PLS1: variants seen among roughly 807,000 people sequenced by gnomAD.
PLS1 encodes plastin 1, also known as plastin-1.
PLS1 carries 32 observed loss-of-function variants against 73.7 expected under a neutral mutation model. The observed-to-expected ratio is 0.43, with a 90% CI of 0.33 to 0.58. The LOEUF (loss-of-function observed/expected upper bound fraction) is 0.58, where lower values mean the gene tolerates loss of function less well. Among genes scored for constraint, PLS1 ranks in the 20% least tolerant of loss-of-function variants. The pLI is 0.04. For synonymous variants in PLS1, 217 were observed against 261.3 expected, an observed-to-expected ratio of 0.83 and a Z score of 1.63; for missense variants, 633 against 740.5, an observed-to-expected ratio of 0.85 and a Z score of 1.68.
At chr3:142,603,331 G>GT (rs1408081234) in intron 1 of PLS1, among the ~76,000 whole-genome samples, 4 of 152,248 alleles carry the variant, frequency 2.6e-5, no homozygotes, top group East Asian at 1.9e-4. Flanking sequence ...GATTGGGAGA[G>GT]TTTTTTCTTA....
chr3:142,659,537 A>C (rs1425313235), intron 1 of PLS1, among the ~76,000 whole-genome samples: 2 of 151,962 alleles, frequency 1.3e-5, no homozygotes, highest in Non-Finnish European at 2.9e-5. Flanking sequence ...CTTTTCAGTT[A>C]TTTGTTTGTT....
At position 142,712,042 on chromosome 3, in the gene PLS1, T is replaced by G; in HGVS notation, c.*35T>G. 3 of 1,583,602 alleles carry G rather than the reference T, an allele frequency of 1.9e-6. No homozygotes were observed. The highest frequency in any genetic ancestry group is 1.7e-6 in the Non-Finnish European group (2 of 1,152,930). On this transcript the variant is annotated 3_prime_UTR_variant, in exon 16 of 16. Coordinates refer to ENST00000457734, the MANE Select transcript of PLS1 (RefSeq NM_001145319.2). ...ATGATTTTCTGCCACATTAAACATA[T>G]TGTATGCCTCACAGTTTACAGGATT...
chr3:142,607,785 C>G (rs1211892112), intron 1 of PLS1, among the ~76,000 whole-genome samples: 1 of 152,010 alleles, frequency 6.6e-6, no homozygotes, highest in Non-Finnish European at 1.5e-5. Flanking sequence ...GTGACAGTTT[C>G]TCAGACTTTC....
At chr3:142,686,788 T>C (rs1325595601) in intron 9 of PLS1, among the ~76,000 whole-genome samples, 2 of 152,218 alleles carry the variant, frequency 1.3e-5, no homozygotes, top group Non-Finnish European at 2.9e-5. Context: ...GCCAACTGGC[T>C]ATCATGACGG....
intron 1 of PLS1, among the ~76,000 whole-genome samples, chr3:142,629,272 C>T (rs1272062779): frequency 1.3e-5 from 2 of 151,464 alleles, no homozygotes; most frequent in African/African-American, 2.4e-5. Context: ...TCTTGGCTTA[C>T]TGCAACTTCT....
chr3:142,705,611 G>GT (rs1454429366), intron 14 of PLS1, among the ~76,000 whole-genome samples: 2 of 152,066 alleles, frequency 1.3e-5, no homozygotes, highest in African/African-American at 2.4e-5. Flanking sequence ...TAAATTTGTG[G>GT]TTTTTTTACT....
intron 10 of PLS1, among the ~76,000 whole-genome samples, chr3:142,692,372 A>G (rs944322262): frequency 2.6e-5 from 4 of 151,962 alleles, no homozygotes. Flanking sequence ...ATCTAGGGGG[A>G]AAAAAAGGTT....
At chr3:142,645,041 G>C (rs1298348747) in intron 1 of PLS1, among the ~76,000 whole-genome samples, 1 of 152,162 alleles carries the variant, frequency 6.6e-6, no homozygotes, top group African/African-American at 2.4e-5. Flanking sequence ...CCGTTTGATA[G>C]AATCATTCAG....
intron 5 of PLS1, among the ~76,000 whole-genome samples, 154 bp downstream of exon 5, chr3:142,676,443 ATATC>A (rs2107862201): frequency 6.6e-6 from 1 of 152,334 alleles, no homozygotes; most frequent in South Asian, 2.1e-4. Context: ...GAACTACTGT[ATATC>A]TATTGGAAAA....
At chr3:142,645,082 A>G (rs1396209862) in intron 1 of PLS1, among the ~76,000 whole-genome samples, 1 of 152,240 alleles carries the variant, frequency 6.6e-6, no homozygotes, top group African/African-American at 2.4e-5. Context: ...AAATAATTAT[A>G]AAACATAGAT....
At chr3:142,680,565 T>C (rs2037827950) in intron 6 of PLS1, among the ~76,000 whole-genome samples, 1 of 152,224 alleles carries the variant, frequency 6.6e-6, no homozygotes, top group Admixed American at 6.5e-5. Context: ...AGTTTTATCA[T>C]TTCACAAAAT....
chr3:142,622,869 T>C (rs1313612710), intron 1 of PLS1, among the ~76,000 whole-genome samples: 1 of 152,238 alleles, frequency 6.6e-6, no homozygotes, highest in Non-Finnish European at 1.5e-5. Context: ...TGTTTGTTTG[T>C]TTTTGGTTTT....
chr3:142,699,256 G>A (rs899014505), intron 12 of PLS1, among the ~76,000 whole-genome samples: 20 of 152,218 alleles, frequency 1.3e-4, no homozygotes, highest in South Asian at 2.1e-4. Context: ...TCAGGAATTC[G>A]AGGCCAGGCT....
intron 1 of PLS1, among the ~76,000 whole-genome samples, chr3:142,620,301 A>G (rs918700520): frequency 6.6e-6 from 1 of 151,906 alleles, no homozygotes; most frequent in South Asian, 2.1e-4. Context: ...ATTTTTTTGT[A>G]TTTGTAGTAC....
chr3:142,630,105 C>A (rs73228787), intron 1 of PLS1, among the ~76,000 whole-genome samples: 5,950 of 152,114 alleles, frequency 0.039, 159 homozygotes, highest in Middle Eastern at 0.078. Flanking sequence ...GGTTTCCCCC[C>A]ACCTACAGAA....
chr3:142,665,527 A>G (rs1048387311), intron 2 of PLS1, among the ~76,000 whole-genome samples: 12 of 152,164 alleles, frequency 7.9e-5, no homozygotes, highest in African/African-American at 2.9e-4. Flanking sequence ...TCAAAACAAA[A>G]ACTGGGCAAT....
chr3:142,695,258 A>G (rs2038170517), intron 11 of PLS1, among the ~76,000 whole-genome samples: 1 of 152,196 alleles, frequency 6.6e-6, no homozygotes, highest in Non-Finnish European at 1.5e-5. Context: ...AACTCCTTAA[A>G]CAAGATTATG....
chr3:142,619,144 A>C (rs191478203), intron 1 of PLS1, among the ~76,000 whole-genome samples: 1 of 152,218 alleles, frequency 6.6e-6, no homozygotes, highest in Non-Finnish European at 1.5e-5. Flanking sequence ...AATAGTTTTG[A>C]AAAGGATGTT....
intron 1 of PLS1, among the ~76,000 whole-genome samples, chr3:142,659,141 T>C (rs901154145): frequency 1.3e-5 from 2 of 152,170 alleles, no homozygotes; most frequent in African/African-American, 2.4e-5. Flanking sequence ...AATAAATATT[T>C]GCCATTATAT....
Sources: allele counts gnomAD v4.1 joint callset (sites outside exome capture counted in the v4.1 genomes callset), GRCh38; gene constraint gnomAD v4.1.1; transcripts MANE v1.5; gene names NCBI Gene and HGNC (gene_info 2026-07-23, HGNC 2026-07-21).